The following LRBA variants were observed in gnomAD, a reference collection of about 807,000 sequenced individuals.
The protein encoded by LRBA is LPS responsive beige-like anchor protein, also known as lipopolysaccharide-responsive and beige-like anchor protein.
A neutral mutation model predicts 330.0 loss-of-function variants in LRBA; 176 were observed. The ratio of observed to expected loss-of-function variants is 0.53; its 90% CI spans 0.47 to 0.60. LRBA has a LOEUF of 0.60. Among genes scored for constraint, LRBA ranks in the 20% least tolerant of loss-of-function variants. The pLI, the probability that LRBA is intolerant of heterozygous loss-of-function variation, is 0.00. For missense variants in LRBA, 3,259 were observed against 3,444.8 expected (o/e 0.95, Z 1.35); for synonymous variants, 1,230 against 1,193.0 (o/e 1.03, Z -0.64).
At chr4:150,424,040 T>C (rs1749200514) in intron 46 of LRBA, among the ~76,000 whole-genome samples, 1 of 152,222 alleles carries the variant, frequency 6.6e-6, no homozygotes, top group South Asian at 2.1e-4. Context: ...CAATCTGTAT[T>C]ATAACTGCTT....
At chr4:150,748,533 G>C (rs892096440) in intron 35 of LRBA, among the ~76,000 whole-genome samples, 2 of 152,098 alleles carry the variant, frequency 1.3e-5, no homozygotes, top group Admixed American at 6.5e-5. Context: ...TGGGCATGGT[G>C]GTGGGCACCT....
chr4:150,440,715 C>T (rs959346900), intron 44 of LRBA, among the ~76,000 whole-genome samples: 4 of 152,070 alleles, frequency 2.6e-5, no homozygotes, highest in African/African-American at 7.2e-5. Flanking sequence ...GAGCTGTAAT[C>T]GCGCCACTGT....
In LRBA at chr4:150,588,124, G is replaced by A. The variant is rs1406349701; in HGVS notation, c.6254C>T (p.Thr2085Ile). 1.2e-6 allele frequency: 2 copies of A among 1,612,588 alleles called. No homozygotes were observed. Among genetic ancestry groups the A allele is most frequent in the South Asian group, 2.2e-5 (2 of 90,576 alleles). Residue 2085 changes from threonine to isoleucine, a missense_variant, in exon 40 of 57, where the codon ACT becomes ATT. Coordinates refer to ENST00000651943, the MANE Select transcript of LRBA (RefSeq NM_001364905.1). ...GAGTTCGGAGGAGGTGACAGAAAGA[G>A]TGCCCTTTACTACAACAGAGGGGGC... Reference protein sequence around the residue: ...LVAPSVVVKGTLSVTSSELYF... With the variant: ...LVAPSVVVKGILSVTSSELYF...
chr4:150,768,176 A>T (rs911936443), intron 34 of LRBA, among the ~76,000 whole-genome samples: 1 of 151,942 alleles, frequency 6.6e-6, no homozygotes, highest in African/African-American at 2.4e-5. Context: ...CATGAGATAC[A>T]TTAAGAAATT....
At chr4:150,508,602 G>C (rs1261053718) in intron 40 of LRBA, among the ~76,000 whole-genome samples, 3 of 152,082 alleles carry the variant, frequency 2.0e-5, no homozygotes, top group African/African-American at 7.2e-5. Context: ...GTAGATTTTA[G>C]AGCAAAACAT....
chr4:150,583,839 C>T lies in LRBA; in HGVS notation c.6330+4209G>A. The T allele has an allele frequency of 6.2e-7, 1 of 1,614,242 alleles. No homozygotes were observed. Among genetic ancestry groups the T allele is most frequent in the East Asian group, 2.2e-5 (1 of 44,882 alleles). On this transcript the variant is annotated intron_variant, in intron 40 of 56. Transcript: ENST00000651943. The surrounding 1 kb of genome is among the most constrained non-coding windows in gnomAD (Gnocchi z 9.8). Reference sequence around the variant, plus strand: ...TGGAGCTACCCGGCCAGCCGCTCAACAACTACCACATGAAGACGCTGCTGC... The same window carrying T: ...TGGAGCTACCCGGCCAGCCGCTCAATAACTACCACATGAAGACGCTGCTGC...
chr4:150,467,856 T>C, intron 43 of LRBA, 71 bp from the exon 44 acceptor site: 1 of 675,166 alleles, frequency 1.5e-6, no homozygotes. Context: ...TAATATAATT[T>C]ACTAAAAATA....
intron 34 of LRBA, among the ~76,000 whole-genome samples, chr4:150,770,018 C>G (rs1430194421): frequency 6.6e-6 from 1 of 152,180 alleles, no homozygotes; most frequent in African/African-American, 2.4e-5. Context: ...TGTTCCACAA[C>G]AGATCAGCAT....
At position 150,494,181 on chromosome 4, in the gene LRBA, G is replaced by C. The variant is rs533728375; in HGVS notation, c.6331-3146C>G. Reference sequence around the variant, plus strand: ...GTGGCAGAAAATGGCCTATACCCAGGTTTTCTAACCCAAAAATACAGAGCT... The same window carrying C: ...GTGGCAGAAAATGGCCTATACCCAGCTTTTCTAACCCAAAAATACAGAGCT... On this transcript the variant is annotated intron_variant, in intron 40 of 56. Coordinates refer to ENST00000651943, the MANE Select transcript of LRBA (RefSeq NM_001364905.1). 2.0e-5 allele frequency among the ~76,000 whole-genome samples: 3 copies of C among 152,236 alleles called. No individual in the cohort carries two copies. In the South Asian group the frequency reaches 6.2e-4, roughly 32 times the overall value.
rs1427890601 is a variant in LRBA at position 150,828,256 on chromosome 4, G to A, written c.5095C>T (p.Leu1699Phe). 1 of 1,614,152 alleles carries A rather than the reference G, an allele frequency of 6.2e-7. No homozygotes were observed. The highest frequency in any genetic ancestry group is 8.5e-7 in the Non-Finnish European group (1 of 1,180,000). ...GCTCCAAGGCAGGCTGGTGGCAGAA[G>A]GGCAGGATCCACTGTGACTCCATCT... ...PADGVTVDPA[L>F]LPPACLGALG... Residue 1699 changes from leucine (L) to phenylalanine (F), a missense_variant, in exon 30 of 57, where the codon CTT (leucine) becomes TTT (phenylalanine). Leu to Phe is a conservative substitution (Grantham distance 22). Transcript: ENST00000651943.
At chr4:150,464,326 T>A (rs1387967173) in intron 44 of LRBA, among the ~76,000 whole-genome samples, 1 of 152,076 alleles carries the variant, frequency 6.6e-6, no homozygotes, top group Admixed American at 6.6e-5. Flanking sequence ...CCAAAAATGA[T>A]ATTTTTACTT....
At chr4:150,783,309 A>C (rs1397088420) in intron 34 of LRBA, among the ~76,000 whole-genome samples, 1 of 152,194 alleles carries the variant, frequency 6.6e-6, no homozygotes, top group East Asian at 1.9e-4. Context: ...GTAGCACTTC[A>C]CAAACAATTA....
At chr4:150,980,788 G>GAA in intron 2 of LRBA, among the ~76,000 whole-genome samples, 1 of 152,274 alleles carries the variant, frequency 6.6e-6, no homozygotes, top group East Asian at 1.9e-4. Context: ...CAGTAAAGTT[G>GAA]TAGAATACAA....
chr4:150,651,331 A>G (rs1178298639), intron 37 of LRBA, among the ~76,000 whole-genome samples: 1 of 152,196 alleles, frequency 6.6e-6, no homozygotes. Context: ...GTGCACGGTG[A>G]CACGGCTATC....
At chr4:150,627,867 A>T (rs777707044) in intron 37 of LRBA, among the ~76,000 whole-genome samples, 5 of 152,112 alleles carry the variant, frequency 3.3e-5, no homozygotes, top group Non-Finnish European at 4.4e-5. Flanking sequence ...TTCCCCTTCT[A>T]CTTTGACCCT....
chr4:150,749,828 G>T (rs1447251732), intron 35 of LRBA, among the ~76,000 whole-genome samples: 1 of 151,288 alleles, frequency 6.6e-6, no homozygotes, highest in Non-Finnish European at 1.5e-5. Flanking sequence ...TAAAAACTCT[G>T]CTCTTACTGA....
At chr4:150,979,161 G>T (rs573901982) in intron 2 of LRBA, among the ~76,000 whole-genome samples, 1 of 152,180 alleles carries the variant, frequency 6.6e-6, no homozygotes, top group South Asian at 2.1e-4. Flanking sequence ...AACAAATAAC[G>T]TACAATGGAG....
intron 54 of LRBA, among the ~76,000 whole-genome samples, chr4:150,283,814 A>G (rs995647612): frequency 1.3e-5 from 2 of 152,194 alleles, no homozygotes; most frequent in African/African-American, 4.8e-5. Flanking sequence ...CTATATAAAT[A>G]ACAGATGTGC....
chr4:150,902,343 A>G (rs963218328), intron 13 of LRBA, among the ~76,000 whole-genome samples: 1 of 152,212 alleles, frequency 6.6e-6, no homozygotes, highest in African/African-American at 2.4e-5. Context: ...TCTTGACTGC[A>G]CATTAAAATA....
Sources: allele counts gnomAD v4.1 joint callset (sites outside exome capture counted in the v4.1 genomes callset), GRCh38; gene constraint gnomAD v4.1.1; non-coding constraint Gnocchi (gnomAD v3.1); transcripts MANE v1.5; gene names NCBI Gene and HGNC (gene_info 2026-07-23, HGNC 2026-07-21).